MCU: variants seen among roughly 807,000 people sequenced by gnomAD.
MCU encodes the protein mitochondrial calcium uniporter.
A neutral mutation model predicts 45.2 loss-of-function variants in MCU; 12 were observed. The observed-to-expected ratio is 0.27, with a 90% CI of 0.17 to 0.43. The LOEUF is 0.43. Among genes scored for constraint, MCU ranks in the 20% least tolerant of loss-of-function variants. MCU has a pLI of 1.00. For missense variants in MCU, 324 were observed against 436.7 expected (o/e 0.74, Z 2.30); for synonymous variants, 160 against 165.1 (o/e 0.97, Z 0.24).
In MCU at chr10:72,746,353, G is replaced by GT. The variant is rs1408066975; in HGVS notation, c.150+54059dup. On this transcript the variant is annotated intron_variant, in intron 1 of 7. Coordinates refer to ENST00000373053, the MANE Select transcript of MCU (RefSeq NM_138357.3). ...ACATCACATATCTGGAGAATTAGAA[G>GT]TTTTTTTGTGGTTGTAAAAAACAAA... Among the ~76,000 whole-genome samples the GT allele has an allele frequency of 6.6e-5, 10 of 152,244 alleles. No homozygotes were observed. The East Asian group carries it at 1.7e-3, about 26-fold the overall frequency.
At chr10:72,707,606 GGTGTGTGT>G (rs373225323) in intron 1 of MCU, among the ~76,000 whole-genome samples, 54 of 135,024 alleles carry the variant, frequency 4.0e-4, no homozygotes, top group East Asian at 1.3e-3. Context: ...CGTGGTGAGT[GGTGTGTGT>G]GTGTGTGTGT....
intron 1 of MCU, among the ~76,000 whole-genome samples, chr10:72,701,248 G>A (rs1842755621): frequency 2.0e-5 from 3 of 152,264 alleles, no homozygotes; most frequent in Middle Eastern, 3.4e-3. Context: ...AAGACCTGAG[G>A]ACATTGTTAC....
At chr10:72,702,986 G>GA (rs111630078) in intron 1 of MCU, among the ~76,000 whole-genome samples, 13,907 of 80,574 alleles carry the variant, frequency 0.17, 2,253 homozygotes, top group African/African-American at 0.43. Flanking sequence ...CTCAAAAAAA[G>GA]AAAAAAAAAA....
chr10:72,732,450 A>C (rs185256793), intron 1 of MCU, among the ~76,000 whole-genome samples: 7 of 152,348 alleles, frequency 4.6e-5, no homozygotes, highest in Admixed American at 4.6e-4. Context: ...AGATTAAACT[A>C]TAATTCTTTA....
intron 1 of MCU, among the ~76,000 whole-genome samples, chr10:72,831,766 T>TATCTA (rs1315210165): frequency 3.9e-5 from 6 of 152,174 alleles, no homozygotes; most frequent in Admixed American, 3.3e-4. Flanking sequence ...GCCATGTAGT[T>TATCTA]ATCTAGAGAA....
chr10:72,852,508 T>G (rs1845222506), intron 2 of MCU, among the ~76,000 whole-genome samples: 1 of 152,234 alleles, frequency 6.6e-6, no homozygotes, highest in African/African-American at 2.4e-5. Flanking sequence ...ACAAAATATC[T>G]GAAACAACTG....
chr10:72,807,696 A>T (rs1480790485), intron 1 of MCU, among the ~76,000 whole-genome samples: 1 of 152,070 alleles, frequency 6.6e-6, no homozygotes, highest in Non-Finnish European at 1.5e-5. Context: ...AATAGACCTG[A>T]TGCTGGATTT....
intron 1 of MCU, chr10:72,760,411 A>C (rs1019902881): frequency 6.6e-6 from 1 of 152,132 alleles, no homozygotes; most frequent in Non-Finnish European, 1.5e-5. Flanking sequence ...TAATGCTCAA[A>C]AGTCACACTT....
intron 4 of MCU, among the ~76,000 whole-genome samples, chr10:72,867,670 G>A (rs1454747136): frequency 2.0e-5 from 3 of 152,052 alleles, no homozygotes; most frequent in South Asian, 4.2e-4. Flanking sequence ...TGGCTAACAC[G>A]GTGAAACCCC....
At position 72,792,074 on chromosome 10, in the gene MCU, T is replaced by C. The variant is rs114761745; in HGVS notation, c.151-42285T>C. ...TTATAAAACCGAACTGGGGTTTACT[T>C]GCCTGGAGCAGCAAAACCAGATATC... On this transcript the variant is annotated intron_variant, in intron 1 of 7. Transcript: ENST00000373053. Among the ~76,000 whole-genome samples, 904 of 152,342 alleles carry C rather than the reference T, an allele frequency of 5.9e-3. 11 individuals carry two copies. The highest frequency in any genetic ancestry group is 0.02 in the African/African-American group (852 of 41,580).
chr10:72,757,623 G>T (rs1185777849), intron 1 of MCU, among the ~76,000 whole-genome samples: 3 of 152,140 alleles, frequency 2.0e-5, no homozygotes, highest in Non-Finnish European at 4.4e-5. Context: ...AAGAGGGAAA[G>T]AATTTATGCC....
intron 4 of MCU, among the ~76,000 whole-genome samples, chr10:72,866,157 T>C (rs1845453231): frequency 6.6e-6 from 1 of 152,198 alleles, no homozygotes; most frequent in Admixed American, 6.5e-5. Context: ...ATTTTGTTTC[T>C]ACCTTGTGTC....
intron 1 of MCU, among the ~76,000 whole-genome samples, chr10:72,813,450 CTTTTTTTTTTT>C (rs71021537): frequency 3.4e-4 from 26 of 76,220 alleles, no homozygotes; most frequent in Admixed American, 8.7e-4. Context: ...CCAGCTCTCT[CTTTTTTTTTTT>C]TTTTTTTTTT....
intron 4 of MCU, chr10:72,861,656 AT>A (rs760388938): frequency 0.17 from 55,381 of 322,892 alleles, 2 homozygotes; most frequent in South Asian, 0.27. Flanking sequence ...CGCCAGGCTA[AT>A]TTTTTTTTTT....
intron 1 of MCU, among the ~76,000 whole-genome samples, chr10:72,746,776 T>C (rs1199222136): frequency 6.6e-6 from 1 of 152,180 alleles, no homozygotes; most frequent in Non-Finnish European, 1.5e-5. Flanking sequence ...AAAAAATAAC[T>C]TATTTGGACT....
chr10:72,693,496 A>C (rs1842651036), intron 1 of MCU, among the ~76,000 whole-genome samples: 1 of 152,184 alleles, frequency 6.6e-6, no homozygotes, highest in Admixed American at 6.5e-5. Context: ...CATAACTCTT[A>C]AGAGGAAACT....
At chr10:72,840,614 A>G (rs1219290150) in intron 2 of MCU, among the ~76,000 whole-genome samples, 5 of 152,200 alleles carry the variant, frequency 3.3e-5, no homozygotes, top group Non-Finnish European at 7.3e-5. Context: ...CAACTTTAAA[A>G]AGACTTGACA....
intron 6 of MCU, among the ~76,000 whole-genome samples, chr10:72,881,782 A>G (rs1030173269): frequency 9.9e-5 from 15 of 152,254 alleles, no homozygotes; most frequent in Non-Finnish European, 2.1e-4. Flanking sequence ...TCAGCCTCTT[A>G]GTGATCAGGA....
intron 1 of MCU, among the ~76,000 whole-genome samples, chr10:72,815,614 G>C (rs1844613580): frequency 6.6e-6 from 1 of 152,124 alleles, no homozygotes. Context: ...AGTTAACCCA[G>C]GATTTTTTAA....
Sources: gnomAD v4.1 joint callset for allele counts (sites outside exome capture counted in the v4.1 genomes callset) on GRCh38, gnomAD v4.1.1 for gene constraint, MANE v1.5 for transcripts, NCBI Gene and HGNC (gene_info 2026-07-23, HGNC 2026-07-21) for gene names.